The following GEMIN5 variants were observed in gnomAD, a reference collection of about 807,000 sequenced individuals.
The protein encoded by GEMIN5 is gem nuclear organelle associated protein 5, also known as gem-associated protein 5.
GEMIN5 carries 124 observed loss-of-function variants against 176.9 expected under a neutral mutation model. That is an observed-to-expected ratio of 0.70 (90% CI 0.61 to 0.81). The LOEUF is 0.81. GEMIN5 is among the 40% of genes least tolerant of loss of function. The pLI is 0.00. For synonymous variants in GEMIN5, 673 were observed against 665.2 expected (o/e 1.01, Z -0.18); for missense variants, 1,843 against 1,814.6 (o/e 1.02, Z -0.28).
intron 15 of GEMIN5, among the ~76,000 whole-genome samples, chr5:154,909,704 C>T (rs567589194): frequency 2.6e-5 from 4 of 152,206 alleles, no homozygotes; most frequent in Non-Finnish European, 4.4e-5. Flanking sequence ...ATACACCGGG[C>T]GCAGTGGCTC....
intron 14 of GEMIN5, among the ~76,000 whole-genome samples, 158 bp downstream of exon 14, chr5:154,912,741 G>A (rs1240413533): frequency 6.6e-6 from 1 of 151,824 alleles, no homozygotes; most frequent in African/African-American, 2.4e-5. Context: ...TAGGCCCTAT[G>A]TGGAATGAAA....
Position 154,921,058 on chromosome 5 carries a change from C to T in GEMIN5, c.1462+285G>A, listed in dbSNP as rs1582669155. Among the ~76,000 whole-genome samples the T allele has an allele frequency of 3.9e-5, 6 of 152,204 alleles. No individual in the cohort carries two copies. The South Asian group carries it at 1.0e-3, about 26-fold the overall frequency. On this transcript the variant is annotated intron_variant, in intron 10 of 27. Coordinates refer to ENST00000285873, the MANE Select transcript of GEMIN5 (RefSeq NM_015465.5). ...TAGTGAAGAATATTAGACTGGGTAT[C>T]AGGACCCAGCATGATAACTATACAT...
chr5:154,927,325 C>T (rs1764062202), intron 7 of GEMIN5, 60 bp downstream of exon 7: 1 of 1,146,902 alleles, frequency 8.7e-7, no homozygotes, highest in Non-Finnish European at 1.3e-6. Context: ...AAAGCCCTCT[C>T]ATCCCACCCA....
intron 11 of GEMIN5, among the ~76,000 whole-genome samples, chr5:154,919,160 C>G (rs1174827957): frequency 6.6e-6 from 1 of 152,168 alleles, no homozygotes; most frequent in Admixed American, 6.5e-5. Context: ...GAAACCCCAT[C>G]TCTACTTAAA....
intron 11 of GEMIN5, among the ~76,000 whole-genome samples, chr5:154,919,734 T>A (rs1763884396): frequency 6.6e-6 from 1 of 152,220 alleles, no homozygotes; most frequent in Non-Finnish European, 1.5e-5. Flanking sequence ...TTGGCTTTTT[T>A]ATTTTTTTGC....
Position 154,927,483 on chromosome 5 carries a change from A to C in GEMIN5, c.982T>G (p.Ser328Ala), listed in dbSNP as rs541820642. The C allele has an allele frequency of 6.2e-7, 1 of 1,609,840 alleles. No homozygotes were observed. The highest frequency in any genetic ancestry group is 8.5e-7 in the Non-Finnish European group (1 of 1,176,032). Residue 328 changes from serine to alanine, a missense_variant, in exon 7 of 28, where the codon TCA becomes GCA. Coordinates refer to ENST00000285873, the MANE Select transcript of GEMIN5 (RefSeq NM_015465.5). ...RRKYTLFSASSEGQNHSRIVF... is the reference protein window; with the variant it reads ...RRKYTLFSASAEGQNHSRIVF... ...ATTCTTGAATGATTTTGCCCTTCTG[A>C]TGAGGCACTGAAGAGGGTGTATTTC...
At chr5:154,921,204 G>C in intron 10 of GEMIN5, 139 bp downstream of exon 10, 2 of 584,160 alleles carry the variant, frequency 3.4e-6, no homozygotes, top group South Asian at 4.3e-5. Flanking sequence ...CTGTCTTCAT[G>C]AACCCCTGGG....
chr5:154,901,669 G>C (rs182184802), intron 20 of GEMIN5, among the ~76,000 whole-genome samples, 183 bp from the exon 21 acceptor site: 101 of 152,276 alleles, frequency 6.6e-4, no homozygotes, highest in Non-Finnish European at 1.0e-3. Flanking sequence ...TCAATTGTTT[G>C]ATTATGTAAC....
intron 9 of GEMIN5, among the ~76,000 whole-genome samples, chr5:154,923,745 G>T (rs868097209): frequency 2.0e-5 from 3 of 152,174 alleles, no homozygotes; most frequent in Middle Eastern, 3.2e-3. Flanking sequence ...TGTTCAATAA[G>T]GTAGCCATTA....
chr5:154,897,246 A>G (rs996044354), intron 23 of GEMIN5, among the ~76,000 whole-genome samples: 1 of 152,196 alleles, frequency 6.6e-6, no homozygotes, highest in Non-Finnish European at 1.5e-5. Context: ...GGCTCTAAAT[A>G]TTCAGCTAAA....
At chr5:154,929,518 G>T (rs1764117986) in intron 5 of GEMIN5, among the ~76,000 whole-genome samples, 1 of 152,202 alleles carries the variant, frequency 6.6e-6, no homozygotes, top group South Asian at 2.1e-4. Flanking sequence ...AAATACATAC[G>T]CCAGGGCCTA....
At position 154,902,540 on chromosome 5, in the gene GEMIN5, T is replaced by C. The variant is rs752594076; in HGVS notation, c.2865A>G (p.Ala955=). The C allele has an allele frequency of 2.5e-6, 4 of 1,613,978 alleles. No homozygotes were observed. In the South Asian group the frequency reaches 4.4e-5, roughly 18 times the overall value. The part of the protein sequence containing the change: ...LTDNLVAMAP[A]AGYHVWLWAV... ...AGAACAAACAAACAAAAACCATACC[T>C]GCTGGTGCCATAGCCACAAGGTTGT... The change falls in exon 20 of 28, where the codon GCA becomes GCG. Residue 955 remains alanine, a splice_region_variant and synonymous_variant. Coordinates refer to ENST00000285873, the MANE Select transcript of GEMIN5 (RefSeq NM_015465.5).
chr5:154,894,976 G>A (rs1349208935), intron 24 of GEMIN5, among the ~76,000 whole-genome samples: 1 of 151,976 alleles, frequency 6.6e-6, no homozygotes. Flanking sequence ...CTACTTGGAA[G>A]GCTGAGGCAG....
chr5:154,917,023 G>T lies in GEMIN5; in HGVS notation c.1830C>A (p.Tyr610Ter). 2.5e-6 allele frequency: 4 copies of T among 1,593,992 alleles called. No homozygotes were observed. Among genetic ancestry groups the T allele is most frequent in the Non-Finnish European group, 3.4e-6 (4 of 1,165,090 alleles). ...MASGSNNAVI[Y>*]VHNLKTVIES... ...CTATGACAGTCTTCAGGTTGTGCAC[G>T]TAAATGACTGCATTGTTGGAGCCAG... Residue 610 changes from tyrosine (Y) to a stop codon, truncating the protein, a stop_gained, in exon 13 of 28, where the codon TAC (tyrosine) becomes TAA (stop). Coordinates refer to ENST00000285873, the MANE Select transcript of GEMIN5 (RefSeq NM_015465.5). LOFTEE classifies it high-confidence loss of function.
chr5:154,900,522 A>G (rs767857234), intron 21 of GEMIN5, among the ~76,000 whole-genome samples: 25 of 152,168 alleles, frequency 1.6e-4, no homozygotes, highest in Non-Finnish European at 2.8e-4. Flanking sequence ...AACAGAAACA[A>G]ATGATGGGAG....
intron 14 of GEMIN5, 84 bp from the exon 15 acceptor site, chr5:154,911,982 A>G: frequency 2.4e-6 from 3 of 1,237,566 alleles, no homozygotes; most frequent in Non-Finnish European, 3.3e-6. Flanking sequence ...AAAAACAAAA[A>G]ACAAAAAACA....
chr5:154,909,990 AAAAG>A (rs1034661828), intron 15 of GEMIN5, among the ~76,000 whole-genome samples: 5 of 151,444 alleles, frequency 3.3e-5, no homozygotes, highest in African/African-American at 7.3e-5. Context: ...AGAAAAAAAA[AAAAG>A]AATTTCACAT....
At position 154,911,772 on chromosome 5, in the gene GEMIN5, G is replaced by A; in HGVS notation, c.2122C>T (p.His708Tyr). The change falls in exon 15 of 28, where the codon CAC becomes TAC. Residue 708 changes from histidine to tyrosine, a missense_variant. Physicochemically the swap from His to Tyr is moderately conservative, Grantham distance 83. Transcript: ENST00000285873. ...IYSGADDFCV[H>Y]KWLTSMQDHS... The stretch of plus-strand genomic sequence containing the variant: ...TCTTGCATGGAAGTGAGCCACTTGT[G>A]CACACAAAAGTCATCTGCCCCTGAA... 1 of 1,614,014 alleles carries A rather than the reference G, an allele frequency of 6.2e-7. No homozygotes were observed. Among genetic ancestry groups the A allele is most frequent in the South Asian group, 1.1e-5 (1 of 91,080 alleles).
Position 154,911,707 on chromosome 5 carries a change from A to C in GEMIN5, c.2167+20T>G, listed in dbSNP as rs1763702857. The C allele has an allele frequency of 7.5e-6, 12 of 1,590,958 alleles. No individual in the cohort carries two copies. The East Asian group carries it at 2.7e-4, about 36-fold the overall frequency. ...AGAAAGGGAGAAAAAGAATTAGATA[A>C]GCTCTAGGTTCTGACTGACCTTGAG... On this transcript the variant is annotated intron_variant, in intron 15 of 27. Transcript: ENST00000285873.
Sources: allele counts gnomAD v4.1 joint callset (sites outside exome capture counted in the v4.1 genomes callset), GRCh38; gene constraint gnomAD v4.1.1; transcripts MANE v1.5; gene names NCBI Gene and HGNC (gene_info 2026-07-23, HGNC 2026-07-21).